INPP4B: variants seen among roughly 807,000 people sequenced by gnomAD.
INPP4B encodes the protein inositol polyphosphate-4-phosphatase type II B.
A neutral mutation model predicts 122.5 loss-of-function variants in INPP4B; 55 were observed. That is an observed-to-expected ratio of 0.45 (90% CI 0.36 to 0.56). INPP4B has a LOEUF of 0.56. Ranked by LOEUF, INPP4B falls within the 20% of genes least tolerant of loss-of-function variation. INPP4B has a pLI of 0.00. For missense variants in INPP4B, 1,000 were observed against 1,097.7 expected, an observed-to-expected ratio of 0.91 and a Z score of 1.26; for synonymous variants, 403 against 388.7, an observed-to-expected ratio of 1.04 and a Z score of -0.43.
intron 2 of INPP4B, among the ~76,000 whole-genome samples, chr4:142,704,598 T>C (rs1214466312): frequency 6.6e-6 from 1 of 152,158 alleles, no homozygotes; most frequent in African/African-American, 2.4e-5. Flanking sequence ...AAATTTAAAA[T>C]TAATCTCCCT....
intron 1 of INPP4B, among the ~76,000 whole-genome samples, chr4:142,763,324 A>G (rs1041252850): frequency 2.0e-5 from 3 of 152,242 alleles, no homozygotes; most frequent in African/African-American, 7.2e-5. Flanking sequence ...ATTTTTTAAA[A>G]GTCATTAACA....
intron 7 of INPP4B, among the ~76,000 whole-genome samples, chr4:142,361,250 T>C (rs539758967): frequency 3.3e-5 from 5 of 152,148 alleles, no homozygotes; most frequent in African/African-American, 1.2e-4. Context: ...AGTAGATTCC[T>C]AAGTTAGATA....
intron 7 of INPP4B, among the ~76,000 whole-genome samples, chr4:142,338,797 C>T (rs1431679970): frequency 6.6e-6 from 1 of 152,194 alleles, no homozygotes; most frequent in Non-Finnish European, 1.5e-5. Context: ...GCCAAGCGCT[C>T]TTCTACTTGT....
intron 7 of INPP4B, among the ~76,000 whole-genome samples, chr4:142,370,777 A>G (rs1349777445): frequency 6.6e-6 from 1 of 152,116 alleles, no homozygotes; most frequent in Non-Finnish European, 1.5e-5. Flanking sequence ...TCAAAGAAAA[A>G]CAAGGAAGAG....
At chr4:142,172,279 TA>T (rs1269589700) in intron 16 of INPP4B, among the ~76,000 whole-genome samples, 2 of 152,048 alleles carry the variant, frequency 1.3e-5, no homozygotes, top group East Asian at 3.9e-4. Flanking sequence ...TTGAATCCTG[TA>T]TTTGACTCTA....
rs1796841663 is a variant in INPP4B, at chr4:142,122,220, G to A, written c.2043C>T (p.Asp681=). Residue 681 remains aspartate, a synonymous_variant, in exon 21 of 26, where the codon GAC becomes GAT. Transcript: ENST00000262992. The stretch of plus-strand genomic sequence containing the variant: ...TTAAATCGGAAATGCCAACGGCCAT[G>A]TCCTCTAGCATTCCAATTTCATCGC... ...TYSDEIGMLE[D]MAVGISDLKK... 1.2e-6 allele frequency: 2 copies of A among 1,611,156 alleles called. No homozygotes were observed. Among genetic ancestry groups the A allele is most frequent in the African/African-American group, 1.3e-5 (1 of 74,728 alleles).
intron 3 of INPP4B, among the ~76,000 whole-genome samples, chr4:142,435,811 T>A (rs966641966): frequency 2.0e-5 from 3 of 152,100 alleles, no homozygotes; most frequent in African/African-American, 7.2e-5. Context: ...CCCATGCCAC[T>A]GGGGCCTAGG....
intron 7 of INPP4B, among the ~76,000 whole-genome samples, chr4:142,321,109 C>T (rs1391114867): frequency 6.6e-6 from 1 of 152,156 alleles, no homozygotes; most frequent in Non-Finnish European, 1.5e-5. Context: ...TCTCTTTTTA[C>T]CACATCCACA....
chr4:142,654,389 A>AAAAAAAAAAAAAAAAAAAAAAAC (rs1553983869), intron 2 of INPP4B: 1 of 148,522 alleles, frequency 6.7e-6, no homozygotes, highest in African/African-American at 2.5e-5. Context: ...AAAAAAAAAA[A>AAAAAAAAAAAAAAAAAAAAAAAC]CATAAAATGA....
chr4:142,721,549 G>T (rs1764679984), intron 2 of INPP4B, among the ~76,000 whole-genome samples: 1 of 152,206 alleles, frequency 6.6e-6, no homozygotes, highest in Non-Finnish European at 1.5e-5. Context: ...AAGGCCGGGC[G>T]CTGTGGCTCA....
intron 2 of INPP4B, among the ~76,000 whole-genome samples, chr4:142,593,402 T>C (rs28701753): frequency 0.014 from 2,147 of 152,244 alleles, 40 homozygotes; most frequent in African/African-American, 0.041. Flanking sequence ...CACTTGACCT[T>C]TTTCTTTCTC....
At chr4:142,171,992 C>T (rs1825849972) in intron 16 of INPP4B, among the ~76,000 whole-genome samples, 1 of 151,812 alleles carries the variant, frequency 6.6e-6, no homozygotes, top group Non-Finnish European at 1.5e-5. Flanking sequence ...AGAAAAACCT[C>T]ACCTCATCTA....
At chr4:142,051,682 G>A (rs1043267444) in intron 25 of INPP4B, among the ~76,000 whole-genome samples, 4 of 151,976 alleles carry the variant, frequency 2.6e-5, no homozygotes, top group African/African-American at 9.7e-5. Flanking sequence ...GACATTTAAA[G>A]CCACCAACTA....
chr4:142,471,774 GCCTGAGCACCCGCAA>G (rs1818882510), intron 2 of INPP4B, among the ~76,000 whole-genome samples: 1 of 136,172 alleles, frequency 7.3e-6, no homozygotes, highest in East Asian at 2.5e-4. Flanking sequence ...CGCAATCCAA[GCCTGAGCACCCGCAA>G]TCCAAGCCTG....
intron 2 of INPP4B, among the ~76,000 whole-genome samples, chr4:142,611,066 A>G (rs1742391104): frequency 6.6e-6 from 1 of 152,208 alleles, no homozygotes; most frequent in Admixed American, 6.5e-5. Flanking sequence ...GCTGGTATCC[A>G]CCTGGCTTCC....
At chr4:142,406,215 C>T (rs749026705) in intron 5 of INPP4B, among the ~76,000 whole-genome samples, 9 of 152,110 alleles carry the variant, frequency 5.9e-5, no homozygotes, top group Non-Finnish European at 7.4e-5. Flanking sequence ...AGAGGTGGTT[C>T]AAGTTAAATT....
rs1035665256 is a variant in INPP4B at position 142,653,304 on chromosome 4, T to A, written c.-191+72535A>T. ...AACCTAGGCAATACCATTCAGAACA[T>A]AGGCATGGGCAAGGACTTCATGACT... On this transcript the variant is annotated intron_variant, in intron 2 of 25. Transcript: ENST00000262992. Among the ~76,000 whole-genome samples, 23 of 152,152 alleles carry A rather than the reference T, an allele frequency of 1.5e-4. 1 individual carries two copies. The highest frequency in any genetic ancestry group is 3.3e-4 in the Admixed American group (5 of 15,280).
intron 18 of INPP4B, among the ~76,000 whole-genome samples, chr4:142,132,198 C>T (rs971872286): frequency 4.6e-5 from 7 of 152,008 alleles, no homozygotes; most frequent in Admixed American, 3.9e-4. Flanking sequence ...CAAGTTTGTG[C>T]CTGAAACAAC....
chr4:142,314,554 C>A (rs1579705696), intron 8 of INPP4B, among the ~76,000 whole-genome samples, 158 bp downstream of exon 8: 1 of 152,076 alleles, frequency 6.6e-6, no homozygotes, highest in East Asian at 1.9e-4. Flanking sequence ...GAATTCCATG[C>A]AATTCAGCAA....
Sources: allele counts gnomAD v4.1 joint callset (sites outside exome capture counted in the v4.1 genomes callset), GRCh38; gene constraint gnomAD v4.1.1; transcripts MANE v1.5; gene names NCBI Gene and HGNC (gene_info 2026-07-23, HGNC 2026-07-21).